RNF145: variants seen among roughly 807,000 people sequenced by gnomAD.
RNF145 encodes the protein ring finger protein 145.
Under a neutral mutation model 57.3 loss-of-function variants are expected in RNF145, and 12 were observed. That is an observed-to-expected ratio of 0.21 (90% CI 0.13 to 0.34). RNF145 has a LOEUF of 0.34. Ranked by LOEUF, RNF145 falls within the 10% of genes least tolerant of loss-of-function variation. The pLI is 1.00. For synonymous variants in RNF145, 262 were observed against 288.3 expected (o/e 0.91, Z 0.92); for missense variants, 429 against 799.0 (o/e 0.54, Z 5.58).
At chr5:159,208,973 G>A (rs1786005073) in intron 1 of RNF145, among the ~76,000 whole-genome samples, 1 of 151,932 alleles carries the variant, frequency 6.6e-6, no homozygotes, top group South Asian at 2.1e-4. Flanking sequence ...GCGGGGCCCA[G>A]GAGGGGAGAG....
At chr5:159,177,972 C>T (rs919756314) in intron 4 of RNF145, among the ~76,000 whole-genome samples, 3 of 151,974 alleles carry the variant, frequency 2.0e-5, no homozygotes, top group Admixed American at 6.6e-5. Flanking sequence ...ACTGCCTGAT[C>T]GAAATAGTAA....
chr5:159,193,826 C>T (rs996180077), intron 3 of RNF145, among the ~76,000 whole-genome samples: 1 of 152,108 alleles, frequency 6.6e-6, no homozygotes. Context: ...CTTATTATGG[C>T]TTGTACTATA....
chr5:159,181,750 T>C (rs147484833), intron 4 of RNF145, among the ~76,000 whole-genome samples: 9 of 151,448 alleles, frequency 5.9e-5, no homozygotes, highest in Non-Finnish European at 1.0e-4. Flanking sequence ...CTGTGCACTA[T>C]GTACAATATG....
chr5:159,159,639 G>T (rs1784148781), intron 10 of RNF145, among the ~76,000 whole-genome samples: 1 of 152,168 alleles, frequency 6.6e-6, no homozygotes, highest in Non-Finnish European at 1.5e-5. Flanking sequence ...GGCCACCCAA[G>T]ACCTACTGAA....
chr5:159,192,888 C>A (rs192315130), intron 3 of RNF145, among the ~76,000 whole-genome samples: 16 of 152,322 alleles, frequency 1.1e-4, no homozygotes, highest in African/African-American at 2.6e-4. Context: ...GCTCAGTATA[C>A]CCTAATGACT....
intron 8 of RNF145, among the ~76,000 whole-genome samples, chr5:159,167,897 G>C (rs1001297920): frequency 2.0e-5 from 3 of 152,150 alleles, no homozygotes; most frequent in Admixed American, 2.0e-4. Flanking sequence ...TGTTAATTTG[G>C]AATGTTTTAG....
chr5:159,203,372 G>C, intron 2 of RNF145, 62 bp downstream of exon 2: 1 of 1,164,820 alleles, frequency 8.6e-7, no homozygotes, highest in Non-Finnish European at 1.3e-6. Flanking sequence ...AATTCAAAAA[G>C]ATACTAAGAC....
intron 2 of RNF145, among the ~76,000 whole-genome samples, chr5:159,200,636 C>T (rs987239128): frequency 2.0e-5 from 3 of 152,132 alleles, no homozygotes; most frequent in African/African-American, 7.2e-5. Context: ...CTAATTGACT[C>T]AAAATACTAA....
rs1784108632 is a variant in RNF145 at position 159,158,392 on chromosome 5, T to G, written c.*278A>C. ...TCTCACACGTATCAGGGGCAGTTTC[T>G]GAAGTTGCTGAGGTTGAATTTTCTT... On this transcript the variant is annotated 3_prime_UTR_variant, in exon 11 of 11. Transcript: ENST00000424310. 1 of 383,318 alleles carries G rather than the reference T, an allele frequency of 2.6e-6. No individual in the cohort carries two copies. The highest frequency in any genetic ancestry group is 4.8e-6 in the Non-Finnish European group (1 of 209,230). The allele number at this position is 383,318 out of a possible 1,614,324, so 23.7% of individuals were successfully genotyped here.
At position 159,158,920 on chromosome 5, in the gene RNF145, G is replaced by T; in HGVS notation, c.1742C>A (p.Ser581Tyr). The stretch of plus-strand genomic sequence containing the variant: ...AGTTCCTAATCCTGGAAGCTGGGAG[G>T]AGTTTTTCAGATGGCAGTGGCACAG... Reference protein sequence around the residue: ...CPLCHCHLKNSSQLPGLGTEP... With the variant: ...CPLCHCHLKNYSQLPGLGTEP... Residue 581 changes from serine to tyrosine, a missense_variant, in exon 11 of 11, where the codon TCC (serine) becomes TAC (tyrosine). By Grantham distance (144) the Ser-to-Tyr change is moderately radical. Around this residue, in one of 4 missense-constraint regions of RNF145, gnomAD observed 102 missense variants for 106.2 expected, o/e 0.96. Coordinates refer to ENST00000424310, the MANE Select transcript of RNF145 (RefSeq NM_001199383.2). 1 of 1,613,914 alleles carries T rather than the reference G, an allele frequency of 6.2e-7. No individual in the cohort carries two copies. Among genetic ancestry groups the T allele is most frequent in the South Asian group, 1.1e-5 (1 of 91,068 alleles).
At chr5:159,207,788 GTTTC>G in intron 1 of RNF145, 1 of 1,614,116 alleles carries the variant, frequency 6.2e-7, no homozygotes, top group Non-Finnish European at 8.5e-7. Flanking sequence ...CAATTCTGTG[GTTTC>G]TCATCATCTC....
At position 159,157,792 on chromosome 5, in the gene RNF145, A is replaced by G. The variant is rs575936895; in HGVS notation, c.*878T>C. 2.7e-4 allele frequency: 42 copies of G among 152,882 alleles called. No homozygotes were observed. The highest frequency in any genetic ancestry group is 5.7e-4 in the Non-Finnish European group (39 of 68,028). The allele number at this position is 152,882 out of a possible 1,614,324, so 9.5% of individuals were successfully genotyped here. Reference sequence around the variant, plus strand: ...CCATAATTTAACACTGTTTTGATTCAGTTGCAAGAATTAAACATTACACAG... The same window carrying G: ...CCATAATTTAACACTGTTTTGATTCGGTTGCAAGAATTAAACATTACACAG... On this transcript the variant is annotated 3_prime_UTR_variant, in exon 11 of 11. Coordinates refer to ENST00000424310, the MANE Select transcript of RNF145 (RefSeq NM_001199383.2).
At position 159,185,861 on chromosome 5, in the gene RNF145, G is replaced by A. The variant is rs139714705; in HGVS notation, c.294-3810C>T. ...GGCACTAATAAACTGAAAAATCTAC[G>A]TCCCTAGTCCTGTATAACAGCCTCC... is the stretch of plus-strand genomic sequence containing the variant. On this transcript the variant is annotated intron_variant, in intron 3 of 10. Transcript: ENST00000424310. Among the ~76,000 whole-genome samples the A allele has an allele frequency of 9.8e-4, 149 of 152,250 alleles. 1 individual carries two copies. The highest frequency in any genetic ancestry group is 3.0e-3 in the African/African-American group (125 of 41,544).
chr5:159,182,246 G>C (rs1309156449), intron 3 of RNF145, among the ~76,000 whole-genome samples, 195 bp from the exon 4 acceptor site: 1 of 151,964 alleles, frequency 6.6e-6, no homozygotes, highest in East Asian at 1.9e-4. Flanking sequence ...TATTGAAATG[G>C]AATTTTACCA....
chr5:159,158,370 C>G lies in RNF145; in HGVS notation c.*300G>C, dbSNP rs1784107931. 1 of 340,868 alleles carries G rather than the reference C, an allele frequency of 2.9e-6. No individual in the cohort carries two copies. Among genetic ancestry groups the G allele is most frequent in the Non-Finnish European group, 5.5e-6 (1 of 182,132 alleles). 21.1% of individuals were successfully genotyped at this position (340,868 alleles called of 1,614,324 possible). A position where few individuals can be genotyped will look rare whatever the true frequency, so the allele number is the denominator to read the frequency against. On this transcript the variant is annotated 3_prime_UTR_variant, in exon 11 of 11. Transcript: ENST00000424310. ...TCAAAATCTGATTTTATTTCTCTCT[C>G]ACACGTATCAGGGGCAGTTTCTGAA...
At chr5:159,206,034 A>G (rs1562079803) in intron 1 of RNF145, among the ~76,000 whole-genome samples, 2 of 152,170 alleles carry the variant, frequency 1.3e-5, no homozygotes. Context: ...GCAGAATGGT[A>G]CATGTTCCCT....
At chr5:159,171,402 T>G (rs1034811738) in intron 6 of RNF145, among the ~76,000 whole-genome samples, 6 of 152,158 alleles carry the variant, frequency 3.9e-5, no homozygotes, top group African/African-American at 1.2e-4. Context: ...AGAAACATTT[T>G]TTACACCCAC....
At chr5:159,162,489 C>T (rs1214479372) in intron 9 of RNF145, among the ~76,000 whole-genome samples, 2 of 147,084 alleles carry the variant, frequency 1.4e-5, no homozygotes, top group South Asian at 2.1e-4. Context: ...CTGCGGACTG[C>T]AGTGGCGCAA....
At chr5:159,164,964 A>G (rs1784345046) in intron 8 of RNF145, among the ~76,000 whole-genome samples, 1 of 152,210 alleles carries the variant, frequency 6.6e-6, no homozygotes, top group Non-Finnish European at 1.5e-5. Flanking sequence ...TGTTTCATGA[A>G]CTATTAGTAT....
Sources: allele counts gnomAD v4.1 joint callset (sites outside exome capture counted in the v4.1 genomes callset), GRCh38; gene constraint gnomAD v4.1.1; regional missense constraint gnomAD v4.1.1; transcripts MANE v1.5; gene names NCBI Gene and HGNC (gene_info 2026-07-23, HGNC 2026-07-21).